SAA4: variants seen among roughly 807,000 people sequenced by gnomAD.
The protein encoded by SAA4 is serum amyloid A4, constitutive, also known as serum amyloid A-4 protein.
SAA4 carries 8 observed loss-of-function variants against 11.2 expected under a neutral mutation model. That is an observed-to-expected ratio of 0.71 (90% CI 0.42 to 1.29). The LOEUF (loss-of-function observed/expected upper bound fraction) is 1.29, where lower values mean the gene tolerates loss of function less well. Ranked by LOEUF, SAA4 falls within the 50% of genes most tolerant of loss-of-function variation. The probability of loss-of-function intolerance (pLI) is 0.01; values close to 1 mark genes in which losing one functional copy is unlikely to be tolerated. For missense variants in SAA4, 171 were observed against 164.2 expected (o/e 1.04, Z -0.23); for synonymous variants, 60 against 56.2 (o/e 1.07, Z -0.30).
rs770132734 is a variant in SAA4 at position 18,231,620 on chromosome 11, A to G, written c.275T>C (p.Phe92Ser). The G allele has an allele frequency of 2.7e-5, 43 of 1,613,972 alleles. No homozygotes were observed. Among genetic ancestry groups the G allele is most frequent in the East Asian group, 4.5e-5 (2 of 44,878 alleles). The change falls in exon 4 of 4, where the codon TTT becomes TCT. Residue 92 changes from phenylalanine (F) to serine (S), a missense_variant. By Grantham distance (155) the Phe-to-Ser change is radical (BLOSUM62 -2). Transcript: ENST00000278222. Reference sequence around the variant, plus strand: ...CTCCAATACAGTGCTGCTGTTTCCAAATAAATAGCAGTCTATTAATCCCTG... The same window carrying G: ...CTCCAATACAGTGCTGCTGTTTCCAGATAAATAGCAGTCTATTAATCCCTG... ...YLQGLIDCYL[F>S]GNSSTVLEDS... is the part of the protein sequence containing the mutation.
rs537137340 is a variant in SAA4, at chr11:18,234,175, G to A, written c.92-1642C>T. On this transcript the variant is annotated intron_variant, in intron 2 of 3. Transcript: ENST00000278222. The stretch of plus-strand genomic sequence containing the variant: ...TCGTAATGTTGAGTGAAACAAAGCC[G>A]GATACAAAAGACATATTCTGTATGA... Among the ~76,000 whole-genome samples, 6 of 152,180 alleles carry A rather than the reference G, an allele frequency of 3.9e-5. 1 individual carries two copies. Among genetic ancestry groups the A allele is most frequent in the Non-Finnish European group, 8.8e-5 (6 of 68,008 alleles).
chr11:18,236,689 A>G (rs184389355), intron 1 of SAA4, 28 bp downstream of exon 1: 23 of 152,350 alleles, frequency 1.5e-4, no homozygotes, highest in Admixed American at 1.5e-3. Flanking sequence ...GTCAAATAAG[A>G]GAAATTACTC....
At position 18,232,449 on chromosome 11, in the gene SAA4, T is replaced by A. The variant is rs749676690; in HGVS notation, c.176A>T (p.Asn59Ile). 5 of 1,614,182 alleles carry A rather than the reference T, an allele frequency of 3.1e-6. No individual in the cohort carries two copies. The South Asian group carries it at 4.4e-5, about 14-fold the overall frequency. Residue 59 changes from asparagine (N) to isoleucine (I), a missense_variant, in exon 3 of 4, where the codon AAC (asparagine) becomes ATC (isoleucine). Transcript: ENST00000278222. Reference protein sequence around the residue: ...NSNRYLYARGNYDAAQRGPGG... With the variant: ...NSNRYLYARGIYDAAQRGPGG... ...AGGTCCTCTTTGGGCAGCATCATAG[T>A]TTCCCCGAGCATAGAGATATCTGTT...
intron 3 of SAA4, among the ~76,000 whole-genome samples, chr11:18,231,960 G>A (rs147325959): frequency 7.0e-6 from 1 of 142,016 alleles, no homozygotes; most frequent in Non-Finnish European, 1.5e-5. Flanking sequence ...ATGGGTCACT[G>A]CAGCCTCGAC....
Position 18,231,526 on chromosome 11 carries a change from A to G in SAA4, c.369T>C (p.Pro123=). 1.2e-6 allele frequency: 2 copies of G among 1,612,868 alleles called. No individual in the cohort carries two copies. Among genetic ancestry groups the G allele is most frequent in the Non-Finnish European group, 1.7e-6 (2 of 1,179,778 alleles). ...CTCAGTATTTCTTAGGCAGGCCGTC[A>G]GGTCTGAAGCGGTCGGGGTCTTTGC... ...RSGKDPDRFR[P]DGLPKKY is the part of the protein sequence containing the mutation. Residue 123 remains proline (P), a synonymous_variant, in exon 4 of 4, where the codon CCT becomes CCC. Transcript: ENST00000278222.
intron 2 of SAA4, among the ~76,000 whole-genome samples, chr11:18,233,604 T>C (rs1304727803): frequency 1.3e-5 from 2 of 152,044 alleles, no homozygotes; most frequent in Non-Finnish European, 2.9e-5. Context: ...CTTGATCTCC[T>C]GGGCTCAAGT....
intron 2 of SAA4, among the ~76,000 whole-genome samples, chr11:18,234,123 A>G (rs1197262825): frequency 1.3e-5 from 2 of 152,244 alleles, no homozygotes; most frequent in Admixed American, 1.3e-4. Context: ...AATACACATG[A>G]CAAATGCTGT....
chr11:18,236,195 A>G (rs1857207432), intron 1 of SAA4, among the ~76,000 whole-genome samples: 1 of 149,824 alleles, frequency 6.7e-6, no homozygotes, highest in African/African-American at 2.5e-5. Flanking sequence ...ATTAAGGACT[A>G]CAAACGTGCA....
intron 2 of SAA4, 88 bp from the exon 3 acceptor site, chr11:18,232,621 G>T: frequency 6.5e-7 from 1 of 1,528,484 alleles, no homozygotes; most frequent in South Asian, 1.3e-5. Flanking sequence ...TCCAGATTTT[G>T]GCCCTTGACA....
Position 18,235,823 on chromosome 11 carries a change from C to G in SAA4, c.91+13G>C. The G allele has an allele frequency of 1.9e-6, 3 of 1,613,028 alleles. No individual in the cohort carries two copies. Among genetic ancestry groups the G allele is most frequent in the Non-Finnish European group, 2.5e-6 (3 of 1,179,416 alleles). On this transcript the variant is annotated intron_variant, in intron 2 of 3. Transcript: ENST00000278222. ...ATCCTGGGTATGTGCCCTCCATCCTCCAGAGTTCTTACCTTGGAGAGCCTC... is the reference window on the plus strand; with the variant it reads ...ATCCTGGGTATGTGCCCTCCATCCTGCAGAGTTCTTACCTTGGAGAGCCTC...
At position 18,235,846 on chromosome 11, in the gene SAA4, C is replaced by T. The variant is rs1207955427; in HGVS notation, c.81G>A (p.Glu27=). 6.2e-7 allele frequency: 1 copy of T among 1,613,582 alleles called. No homozygotes were observed. The highest frequency in any genetic ancestry group is 1.3e-5 in the African/African-American group (1 of 74,860). ...TSESWRSFFK[E]ALQGVGDMGR... ...CTCCAGAGTTCTTACCTTGGAGAGC[C>T]TCCTTGAAAAACGAACGCCAGCTTT... Residue 27 remains glutamate (E), a synonymous_variant, in exon 2 of 4, where the codon GAG becomes GAA. Coordinates refer to ENST00000278222, the MANE Select transcript of SAA4 (RefSeq NM_006512.4).
In SAA4 at chr11:18,232,377, C is replaced by T. The variant is rs1414352148; in HGVS notation, c.230+18G>A. On this transcript the variant is annotated intron_variant, in intron 3 of 3. Coordinates refer to ENST00000278222, the MANE Select transcript of SAA4 (RefSeq NM_006512.4). The stretch of plus-strand genomic sequence containing the variant: ...GCACTGCTGGCCTCTCACTGGAGTC[C>T]CCGGGAATCTGTGTTACCTGATGAG... 2.5e-6 allele frequency: 4 copies of T among 1,612,764 alleles called. No homozygotes were observed. Among genetic ancestry groups the T allele is most frequent in the Non-Finnish European group, 3.4e-6 (4 of 1,179,464 alleles).
chr11:18,233,891 A>G (rs1307127391), intron 2 of SAA4, among the ~76,000 whole-genome samples: 1 of 152,098 alleles, frequency 6.6e-6, no homozygotes, highest in African/African-American at 2.4e-5. Context: ...AGCTAAATTG[A>G]CATGACTATA....
At position 18,231,509 on chromosome 11, in the gene SAA4, T is replaced by G; in HGVS notation, c.386A>C (p.Lys129Thr). The G allele has an allele frequency of 6.2e-7, 1 of 1,612,280 alleles. No individual in the cohort carries two copies. The highest frequency in any genetic ancestry group is 8.5e-7 in the Non-Finnish European group (1 of 1,179,706). Residue 129 changes from lysine to threonine, a missense_variant, in exon 4 of 4, where the codon AAA (lysine) becomes ACA (threonine). Physicochemically the swap from Lys to Thr is moderately conservative, Grantham distance 78. Coordinates refer to ENST00000278222, the MANE Select transcript of SAA4 (RefSeq NM_006512.4). ...DRFRPDGLPK[K>T]Y ...AGCAGAGGAGCAGGAAGCTCAGTAT[T>G]TCTTAGGCAGGCCGTCAGGTCTGAA...
intron 2 of SAA4, among the ~76,000 whole-genome samples, chr11:18,233,026 T>C (rs1234455699): frequency 6.6e-6 from 1 of 152,178 alleles, no homozygotes; most frequent in Admixed American, 6.5e-5. Context: ...ACATCTACCA[T>C]AGCCCATAAG....
rs1280991230 is a variant in SAA4 at position 18,232,443 on chromosome 11, T to C, written c.182A>G (p.Asp61Gly). 1.2e-6 allele frequency: 2 copies of C among 1,614,194 alleles called. No individual in the cohort carries two copies. Among genetic ancestry groups the C allele is most frequent in the Admixed American group, 3.3e-5 (2 of 60,028 alleles). ...ACCCCCAGGTCCTCTTTGGGCAGCATCATAGTTTCCCCGAGCATAGAGATA... is the reference window on the plus strand; with the variant it reads ...ACCCCCAGGTCCTCTTTGGGCAGCACCATAGTTTCCCCGAGCATAGAGATA... ...NRYLYARGNY[D>G]AAQRGPGGVW... Residue 61 changes from aspartate to glycine, a missense_variant, in exon 3 of 4, where the codon GAT becomes GGT. By Grantham distance (94) the Asp-to-Gly change is moderately conservative. Transcript: ENST00000278222.
chr11:18,235,564 G>A (rs561152969), intron 2 of SAA4, among the ~76,000 whole-genome samples: 13 of 152,212 alleles, frequency 8.5e-5, no homozygotes, highest in South Asian at 4.2e-4. Context: ...GTAAATTTCC[G>A]CAGTGGGAGA....
chr11:18,233,215 A>G (rs1171889301), intron 2 of SAA4, among the ~76,000 whole-genome samples: 1 of 152,206 alleles, frequency 6.6e-6, no homozygotes, highest in African/African-American at 2.4e-5. Flanking sequence ...ATGAATGTAA[A>G]TGTTTAACTC....
At chr11:18,235,740 T>C in intron 2 of SAA4, 96 bp downstream of exon 2, 1 of 1,228,390 alleles carries the variant, frequency 8.1e-7, no homozygotes, top group Non-Finnish European at 1.2e-6. Flanking sequence ...CTGACCTCTG[T>C]GTGGCTTCTC....
Sources: allele counts gnomAD v4.1 joint callset (sites outside exome capture counted in the v4.1 genomes callset), GRCh38; gene constraint gnomAD v4.1.1; transcripts MANE v1.5; gene names NCBI Gene and HGNC (gene_info 2026-07-23, HGNC 2026-07-21).